The following SPECC1 variants were observed in gnomAD, a reference collection of about 807,000 sequenced individuals.
SPECC1 encodes the protein cytospin-B.
A neutral mutation model predicts 104.1 loss-of-function variants in SPECC1; 62 were observed. The observed-to-expected ratio is 0.60, with a 90% CI of 0.49 to 0.74. SPECC1 has a LOEUF of 0.74. Ranked by LOEUF, SPECC1 falls within the 30% of genes least tolerant of loss-of-function variation. The pLI is 0.00. For missense variants in SPECC1, 1,306 were observed against 1,310.5 expected (o/e 1.00, Z 0.05); for synonymous variants, 513 against 501.6 (o/e 1.02, Z -0.30).
At chr17:20,095,510 G>A (rs955180037) in intron 1 of SPECC1, among the ~76,000 whole-genome samples, 1 of 152,158 alleles carries the variant, frequency 6.6e-6, no homozygotes, top group Non-Finnish European at 1.5e-5. Flanking sequence ...GGAACTAGAT[G>A]GTCGGGAACT....
At chr17:20,043,665 A>G (rs1276251706) in intron 1 of SPECC1, among the ~76,000 whole-genome samples, 3 of 152,156 alleles carry the variant, frequency 2.0e-5, no homozygotes, top group Non-Finnish European at 4.4e-5. Flanking sequence ...GCAACATGGG[A>G]TGTCCCAGAC....
At chr17:20,143,571 G>C (rs147180000) in intron 3 of SPECC1, among the ~76,000 whole-genome samples, 3,187 of 151,504 alleles carry the variant, frequency 0.021, 104 homozygotes, top group East Asian at 0.083. Context: ...GTAATCCCAG[G>C]TACTTGGGAG....
chr17:20,103,329 C>A (rs761450397), intron 2 of SPECC1, among the ~76,000 whole-genome samples: 1 of 152,284 alleles, frequency 6.6e-6, no homozygotes, highest in East Asian at 1.9e-4. Context: ...ACATTCGTTT[C>A]TCTGCAGCTT....
At chr17:20,232,842 A>G (rs919773085) in intron 7 of SPECC1, among the ~76,000 whole-genome samples, 3 of 152,218 alleles carry the variant, frequency 2.0e-5, no homozygotes, top group African/African-American at 7.2e-5. Context: ...TCTGGGCCCA[A>G]GGATGTGCCT....
At chr17:20,082,885 A>G (rs1288460996) in intron 1 of SPECC1, among the ~76,000 whole-genome samples, 2 of 151,936 alleles carry the variant, frequency 1.3e-5, no homozygotes, top group African/African-American at 2.4e-5. Context: ...TTTCCCCTCC[A>G]GCACCCACTG....
At chr17:20,014,654 C>T (rs536200786) in intron 1 of SPECC1, among the ~76,000 whole-genome samples, 8 of 152,242 alleles carry the variant, frequency 5.3e-5, no homozygotes, top group South Asian at 2.1e-4. Context: ...GAAGTGCACG[C>T]GTCTGACTCT....
intron 3 of SPECC1, among the ~76,000 whole-genome samples, chr17:20,117,667 C>A (rs2048824960): frequency 6.8e-6 from 1 of 147,714 alleles, no homozygotes; most frequent in Non-Finnish European, 1.5e-5. Context: ...GCCTGTAGTC[C>A]CAGCTGCTTG....
At chr17:20,039,105 C>CCCT (rs1283825813) in intron 1 of SPECC1, among the ~76,000 whole-genome samples, 1 of 152,226 alleles carries the variant, frequency 6.6e-6, no homozygotes, top group Non-Finnish European at 1.5e-5. Context: ...CCTTCTCCCT[C>CCCT]CCCATGCAGC....
At chr17:20,061,556 CTTGA>C (rs61580786) in intron 1 of SPECC1, among the ~76,000 whole-genome samples, 2,168 of 152,304 alleles carry the variant, frequency 0.014, 41 homozygotes, top group African/African-American at 0.049. Flanking sequence ...CTTTGGGAAC[CTTGA>C]ACCTTTGATT....
rs575024663 is a variant in SPECC1 at position 20,315,366 on chromosome 17, C to A, written c.*1301C>A. The A allele has an allele frequency of 3.0e-5, 7 of 232,880 alleles. No homozygotes were observed. The highest frequency in any genetic ancestry group is 5.9e-5 in the Non-Finnish European group (7 of 117,940). 14.4% of individuals were successfully genotyped at this position (232,880 alleles called of 1,614,324 possible). On this transcript the variant is annotated 3_prime_UTR_variant, in exon 15 of 15. Coordinates refer to ENST00000395527, the MANE Select transcript of SPECC1 (RefSeq NM_001243439.2). ...GCAGCAGAGCCCTCCCCAGCGGTGC[C>A]CCAGTCCCTCAGAAGTGCTCAGTCC... is the stretch of plus-strand genomic sequence containing the variant.
intron 3 of SPECC1, among the ~76,000 whole-genome samples, chr17:20,142,229 A>T (rs2152560779): frequency 1.3e-5 from 2 of 152,344 alleles, no homozygotes; most frequent in Middle Eastern, 3.4e-3. Flanking sequence ...TTTTATTAAG[A>T]TGATTCATGC....
At chr17:20,053,943 C>T (rs1016869446) in intron 1 of SPECC1, among the ~76,000 whole-genome samples, 1 of 152,176 alleles carries the variant, frequency 6.6e-6, no homozygotes, top group Admixed American at 6.5e-5. Flanking sequence ...GCAAACCTTC[C>T]GTATTCCCAG....
At chr17:20,271,215 A>ATT (rs576623670) in intron 12 of SPECC1, among the ~76,000 whole-genome samples, 3 of 148,466 alleles carry the variant, frequency 2.0e-5, no homozygotes, top group African/African-American at 7.4e-5. Context: ...CACCTTGCTG[A>ATT]TTTTTTTTTT....
intron 1 of SPECC1, among the ~76,000 whole-genome samples, chr17:20,051,428 G>C (rs1009528892): frequency 6.6e-6 from 1 of 152,032 alleles, no homozygotes; most frequent in Non-Finnish European, 1.5e-5. Context: ...GCCTGCCTCG[G>C]CCTCCCAGAG....
At chr17:20,124,640 C>T (rs886259527) in intron 3 of SPECC1, among the ~76,000 whole-genome samples, 4 of 152,146 alleles carry the variant, frequency 2.6e-5, no homozygotes, top group Non-Finnish European at 2.9e-5. Context: ...CTTACTTCAT[C>T]GGTTACTTCC....
At chr17:20,112,929 T>C in intron 3 of SPECC1, 1 of 1,490,074 alleles carries the variant, frequency 6.7e-7, no homozygotes, top group Non-Finnish European at 9.4e-7. Context: ...GGGTCCAACA[T>C]GAAGGGAGCT....
At chr17:20,224,001 G>C (rs1384842053) in intron 4 of SPECC1, among the ~76,000 whole-genome samples, 1 of 152,192 alleles carries the variant, frequency 6.6e-6, no homozygotes, top group East Asian at 1.9e-4. Flanking sequence ...GATATTCAAA[G>C]GGAATTGAGT....
chr17:20,034,779 AT>A (rs921330734), intron 1 of SPECC1, among the ~76,000 whole-genome samples: 5 of 151,760 alleles, frequency 3.3e-5, no homozygotes, highest in African/African-American at 1.2e-4. Flanking sequence ...CTAATTTTGT[AT>A]TTTTAGTAGA....
intron 12 of SPECC1, among the ~76,000 whole-genome samples, chr17:20,282,746 C>CTCA (rs1229310732): frequency 6.6e-6 from 1 of 152,098 alleles, no homozygotes; most frequent in Non-Finnish European, 1.5e-5. Flanking sequence ...GCCCCTGCAG[C>CTCA]TCATGTTTCA....
Sources: gnomAD v4.1 joint callset for allele counts (sites outside exome capture counted in the v4.1 genomes callset) on GRCh38, gnomAD v4.1.1 for gene constraint, MANE v1.5 for transcripts, NCBI Gene and HGNC (gene_info 2026-07-23, HGNC 2026-07-21) for gene names.